The following KIAA1549L variants were observed in gnomAD, a reference collection of about 807,000 sequenced individuals.
The protein encoded by KIAA1549L is KIAA1549 like, also known as UPF0606 protein KIAA1549L.
Under a neutral mutation model 160.7 loss-of-function variants are expected in KIAA1549L, and 88 were observed. The ratio of observed to expected loss-of-function variants is 0.55; its 90% confidence interval spans 0.46 to 0.65. The LOEUF (loss-of-function observed/expected upper bound fraction) is 0.65. Ranked by LOEUF, KIAA1549L falls within the 30% of genes least tolerant of loss-of-function variation. KIAA1549L has a pLI of 0.00. For synonymous variants in KIAA1549L, 950 were observed against 976.7 expected (o/e 0.97, Z 0.51); for missense variants, 2,258 against 2,437.5 (o/e 0.93, Z 1.55).
intron 1 of KIAA1549L, among the ~76,000 whole-genome samples, chr11:33,479,960 C>A (rs1296615291): frequency 6.6e-6 from 1 of 152,054 alleles, no homozygotes; most frequent in Non-Finnish European, 1.5e-5. Flanking sequence ...TAAGAGACAG[C>A]CTATTAGCTT....
chr11:33,596,168 G>A (rs770640595), intron 12 of KIAA1549L, among the ~76,000 whole-genome samples: 1 of 152,122 alleles, frequency 6.6e-6, no homozygotes, highest in African/African-American at 2.4e-5. Flanking sequence ...CTGCAGCCTC[G>A]CAGGTGACAC....
Position 33,606,645 on chromosome 11 carries a change from A to G in KIAA1549L, c.4884A>G (p.Pro1628=), listed in dbSNP as rs780973869. The change falls in exon 14 of 21, where the codon CCA becomes CCG. Residue 1628 remains proline, a synonymous_variant. Transcript: ENST00000658780. ...TKEEARKRNV[P]ASDEEEGAVL... ...TGTGTTTATGTTGTGCTTCAGTGCC[A>G]GCGAGTGACGAAGAGGAGGGAGCGG... is the stretch of plus-strand genomic sequence containing the variant. The G allele has an allele frequency of 6.2e-7, 1 of 1,613,852 alleles. No homozygotes were observed. The highest frequency in any genetic ancestry group is 8.5e-7 in the Non-Finnish European group (1 of 1,179,778).
intron 1 of KIAA1549L, among the ~76,000 whole-genome samples, chr11:33,449,039 G>C (rs985463144): frequency 1.2e-4 from 19 of 152,064 alleles, no homozygotes; most frequent in Admixed American, 1.0e-3. Context: ...TGTTTCTATT[G>C]AAAAAGTGGA....
chr11:33,551,397 C>A, intron 5 of KIAA1549L, 138 bp downstream of exon 5: 1 of 700,708 alleles, frequency 1.4e-6, no homozygotes. Flanking sequence ...AAGGGTCCTG[C>A]TAATCAAATG....
Position 33,673,768 on chromosome 11 carries a change from TA to T in KIAA1549L, c.*5617del, listed in dbSNP as rs1316803517. The T allele has an allele frequency of 2.6e-5, 4 of 152,184 alleles. No individual in the cohort carries two copies. Among genetic ancestry groups the T allele is most frequent in the African/African-American group, 9.7e-5 (4 of 41,450 alleles). The allele number at this position is 152,184 out of a possible 1,614,324, so 9.4% of individuals were successfully genotyped here. A position where few individuals can be genotyped will look rare whatever the true frequency, so the allele number is the denominator to read the frequency against. On this transcript the variant is annotated 3_prime_UTR_variant, in exon 21 of 21. Transcript: ENST00000658780. ...GACACCATGTTTTGCCAAGGAAAAA[TA>T]AAGAAATTCCTAAATTTGAAATTGC...
At chr11:33,459,960 C>CAGAAAAAA in intron 1 of KIAA1549L, among the ~76,000 whole-genome samples, 1 of 67,190 alleles carries the variant, frequency 1.5e-5, no homozygotes, top group Middle Eastern at 7.6e-3. Flanking sequence ...GACTCCGTCT[C>CAGAAAAAA]AAAAAAAAAA....
chr11:33,618,599 C>T lies in KIAA1549L; in HGVS notation c.5346C>T (p.Thr1782=), dbSNP rs148592270. 62 of 1,610,140 alleles carry T rather than the reference C, an allele frequency of 3.9e-5. No individual in the cohort carries two copies. The highest frequency in any genetic ancestry group is 5.0e-5 in the Admixed American group (3 of 59,598). ...QSLNSPSPGE[T]EMDLLVTRER... Reference sequence around the variant, plus strand: ...TGAACAGCCCGAGTCCAGGGGAAACCGAGATGGACCTTCTGGTGACTCGGG... The same window carrying T: ...TGAACAGCCCGAGTCCAGGGGAAACTGAGATGGACCTTCTGGTGACTCGGG... Residue 1782 remains threonine (T), a synonymous_variant, in exon 16 of 21, where the codon ACC becomes ACT. Coordinates refer to ENST00000658780, the MANE Select transcript of KIAA1549L (RefSeq NM_012194.3).
intron 17 of KIAA1549L, among the ~76,000 whole-genome samples, chr11:33,649,968 C>G (rs563784781): frequency 6.6e-6 from 1 of 152,102 alleles, no homozygotes; most frequent in East Asian, 1.9e-4. Context: ...TGGCCCAGGG[C>G]GTGAGAGATT....
chr11:33,484,337 G>A (rs979216444), intron 1 of KIAA1549L, among the ~76,000 whole-genome samples: 3 of 152,144 alleles, frequency 2.0e-5, no homozygotes, highest in Admixed American at 6.5e-5. Flanking sequence ...CACCGCCTTT[G>A]TTTTCCTCTT....
intron 1 of KIAA1549L, among the ~76,000 whole-genome samples, chr11:33,476,469 G>A (rs79915234): frequency 0.029 from 4,415 of 152,266 alleles, 115 homozygotes; most frequent in African/African-American, 0.069. Context: ...TGATACAGCA[G>A]TCTTTAAACA....
intron 6 of KIAA1549L, among the ~76,000 whole-genome samples, chr11:33,553,233 C>G (rs1372674031): frequency 6.6e-6 from 1 of 151,952 alleles, no homozygotes; most frequent in Non-Finnish European, 1.5e-5. Context: ...CTCCTGGGCT[C>G]AAGCAATTCT....
At chr11:33,663,055 G>A (rs1257993177) in intron 20 of KIAA1549L, among the ~76,000 whole-genome samples, 2 of 152,190 alleles carry the variant, frequency 1.3e-5, no homozygotes, top group African/African-American at 2.4e-5. Context: ...AAGGTGAAAC[G>A]GGTGATTTAT....
At chr11:33,434,441 T>C (rs1178432604) in intron 1 of KIAA1549L, among the ~76,000 whole-genome samples, 1 of 152,204 alleles carries the variant, frequency 6.6e-6, no homozygotes, top group Non-Finnish European at 1.5e-5. Flanking sequence ...TGTGTCTTTA[T>C]TAGCAGTGTG....
At chr11:33,500,219 G>T (rs1168724701) in intron 1 of KIAA1549L, among the ~76,000 whole-genome samples, 3 of 152,144 alleles carry the variant, frequency 2.0e-5, no homozygotes, top group Non-Finnish European at 2.9e-5. Context: ...TAAAAAAGAG[G>T]CTTAGAGAGA....
At chr11:33,398,908 CTCT>C (rs1481473101) in intron 1 of KIAA1549L, among the ~76,000 whole-genome samples, 2 of 149,916 alleles carry the variant, frequency 1.3e-5, no homozygotes, top group African/African-American at 4.9e-5. Flanking sequence ...TCTGAATTGT[CTCT>C]TCTTTTAGGA....
At chr11:33,426,700 T>G (rs1590235831) in intron 1 of KIAA1549L, among the ~76,000 whole-genome samples, 1 of 152,190 alleles carries the variant, frequency 6.6e-6, no homozygotes, top group South Asian at 2.1e-4. Flanking sequence ...TAGGTGATAG[T>G]TCCCTTATTT....
In KIAA1549L at chr11:33,542,267, C is replaced by T. The variant is rs1854044297; in HGVS notation, c.704C>T (p.Pro235Leu). 1 of 652,300 alleles carries T rather than the reference C, an allele frequency of 1.5e-6. No homozygotes were observed. Among genetic ancestry groups the T allele is most frequent in the Non-Finnish European group, 2.8e-6 (1 of 356,764 alleles). 40.4% of individuals were successfully genotyped at this position (652,300 alleles called of 1,614,324 possible). ...AGTSSISKHP[P>L]RSDIPPLLPL... ...ACTTCCTCCATTTCAAAGCATCCCC[C>T]AAGGTCAGACATTCCCCCACTCCTC... The change falls in exon 2 of 21, where the codon CCA (proline) becomes CTA (leucine). Residue 235 changes from proline (P) to leucine (L), a missense_variant. Coordinates refer to ENST00000658780, the MANE Select transcript of KIAA1549L (RefSeq NM_012194.3).
Position 33,543,486 on chromosome 11 carries a change from T to A in KIAA1549L, c.1923T>A (p.Ser641=). ...AAGCCACCCAGACTGTTTTCCCATC[T>A]CTTGGCTTTTCCAGCACCAAGCCAG... ...SIQATQTVFP[S]LGFSSTKPEA... The change falls in exon 2 of 21, where the codon TCT becomes TCA. Residue 641 remains serine (S), a synonymous_variant. Transcript: ENST00000658780. 1 of 1,614,054 alleles carries A rather than the reference T, an allele frequency of 6.2e-7. No homozygotes were observed. The highest frequency in any genetic ancestry group is 8.5e-7 in the Non-Finnish European group (1 of 1,179,890).
intron 7 of KIAA1549L, among the ~76,000 whole-genome samples, chr11:33,561,395 T>C (rs1480815036): frequency 6.6e-6 from 1 of 152,252 alleles, no homozygotes; most frequent in Non-Finnish European, 1.5e-5. Context: ...TTTTGGTTCA[T>C]ATGTCCTAGG....
Sources: gnomAD v4.1 joint callset for allele counts (sites outside exome capture counted in the v4.1 genomes callset) on GRCh38, gnomAD v4.1.1 for gene constraint, MANE v1.5 for transcripts, NCBI Gene and HGNC (gene_info 2026-07-23, HGNC 2026-07-21) for gene names.